The following NFYC variants were observed in gnomAD, a reference collection of about 807,000 sequenced individuals.
NFYC encodes nuclear transcription factor Y subunit gamma.
Under a neutral mutation model 53.1 loss-of-function variants are expected in NFYC, and 25 were observed. The observed-to-expected ratio is 0.47, with a 90% confidence interval of 0.34 to 0.66. The LOEUF (loss-of-function observed/expected upper bound fraction) is 0.66. NFYC is among the 30% of genes least tolerant of loss of function. The pLI, the probability that NFYC is intolerant of heterozygous loss-of-function variation, is 0.01. For synonymous variants in NFYC, 145 were observed against 152.6 expected (o/e 0.95, Z 0.37); for missense variants, 260 against 422.7 (o/e 0.62, Z 3.38).
intron 6 of NFYC, among the ~76,000 whole-genome samples, chr1:40,762,564 A>AT (rs1646603145): frequency 6.6e-6 from 1 of 151,940 alleles, no homozygotes; most frequent in Non-Finnish European, 1.5e-5. Flanking sequence ...GTTGCTTTTG[A>AT]TTTTTTCTGT....
At chr1:40,740,356 C>A (rs1254595189) in intron 2 of NFYC, among the ~76,000 whole-genome samples, 1 of 152,224 alleles carries the variant, frequency 6.6e-6, no homozygotes, top group Non-Finnish European at 1.5e-5. Context: ...CAGACAGGAT[C>A]ATTGCGCTCA....
At chr1:40,728,277 A>C (rs1454693079) in intron 1 of NFYC, among the ~76,000 whole-genome samples, 1 of 152,146 alleles carries the variant, frequency 6.6e-6, no homozygotes, top group Non-Finnish European at 1.5e-5. Context: ...GGGCTGCAGA[A>C]TGGATATTGT....
intron 5 of NFYC, 38 bp downstream of exon 5, chr1:40,753,284 G>A: frequency 6.9e-7 from 1 of 1,450,450 alleles, no homozygotes; most frequent in South Asian, 1.1e-5. Context: ...GCTGACTGAA[G>A]AGCGCTTTGT....
chr1:40,768,324 A>G (rs1007178981), intron 8 of NFYC, among the ~76,000 whole-genome samples: 7 of 152,244 alleles, frequency 4.6e-5, no homozygotes, highest in Non-Finnish European at 1.0e-4. Flanking sequence ...CTAACTTTGT[A>G]TGGGCTCCTG....
At chr1:40,732,748 A>G (rs1281888224) in intron 1 of NFYC, among the ~76,000 whole-genome samples, 1 of 152,208 alleles carries the variant, frequency 6.6e-6, no homozygotes, top group Non-Finnish European at 1.5e-5. Flanking sequence ...TGAGAATGGT[A>G]TGCATCCACA....
At chr1:40,698,790 A>G (rs1570287974) in intron 1 of NFYC, among the ~76,000 whole-genome samples, 1 of 152,310 alleles carries the variant, frequency 6.6e-6, no homozygotes, top group Non-Finnish European at 1.5e-5. Flanking sequence ...AAGATTCAAT[A>G]ATTGTCCTAT....
At chr1:40,722,115 G>A (rs1467281829) in intron 1 of NFYC, among the ~76,000 whole-genome samples, 1 of 152,112 alleles carries the variant, frequency 6.6e-6, no homozygotes, top group Non-Finnish European at 1.5e-5. Flanking sequence ...AGCTTGCAGT[G>A]AGCCAAGATC....
intron 1 of NFYC, among the ~76,000 whole-genome samples, chr1:40,696,985 T>C (rs1018197270): frequency 6.6e-6 from 1 of 152,246 alleles, no homozygotes; most frequent in Admixed American, 6.5e-5. Flanking sequence ...TTTAAAACTT[T>C]GGCCAAAAAG....
intron 1 of NFYC, among the ~76,000 whole-genome samples, chr1:40,701,378 G>A (rs1205210239): frequency 6.6e-6 from 1 of 152,190 alleles, no homozygotes; most frequent in Admixed American, 6.5e-5. Flanking sequence ...TGGGATTAAA[G>A]GCATGAGCCA....
At chr1:40,708,673 T>G (rs149292543) in intron 1 of NFYC, among the ~76,000 whole-genome samples, 55 of 152,368 alleles carry the variant, frequency 3.6e-4, no homozygotes, top group African/African-American at 1.3e-3. Flanking sequence ...TACCAGTCTG[T>G]GCCTTTAAAG....
At chr1:40,718,206 A>G (rs1351365443) in intron 1 of NFYC, among the ~76,000 whole-genome samples, 1 of 152,192 alleles carries the variant, frequency 6.6e-6, no homozygotes, top group Non-Finnish European at 1.5e-5. Flanking sequence ...ATAGTACTTT[A>G]TAGTTAGTGA....
At position 40,756,164 on chromosome 1, in the gene NFYC, A is replaced by G. The variant is rs144100537; in HGVS notation, c.388-1957A>G. Among the ~76,000 whole-genome samples, 757 of 152,336 alleles carry G rather than the reference A, an allele frequency of 5.0e-3. 5 individuals carry two copies. The highest frequency in any genetic ancestry group is 0.018 in the African/African-American group (733 of 41,588). ...AACACAAGTACCTTGAACCTACTTC[A>G]ATAGCTTTGCAAAGAGCAGTTGGCT... is the stretch of plus-strand genomic sequence containing the variant. On this transcript the variant is annotated intron_variant, in intron 5 of 9. Coordinates refer to ENST00000447388, the MANE Select transcript of NFYC (RefSeq NM_014223.5).
At chr1:40,704,220 C>T (rs991894128) in intron 1 of NFYC, among the ~76,000 whole-genome samples, 21 of 152,000 alleles carry the variant, frequency 1.4e-4, no homozygotes, top group Non-Finnish European at 1.2e-4. Context: ...TACAGGCGCC[C>T]GCCACCACGC....
chr1:40,701,823 A>C (rs1195777904), intron 1 of NFYC, among the ~76,000 whole-genome samples: 1 of 152,230 alleles, frequency 6.6e-6, no homozygotes, highest in Non-Finnish European at 1.5e-5. Context: ...CTAAGCCCTA[A>C]AACCTTGCAA....
chr1:40,712,169 T>G (rs1643948466), intron 1 of NFYC, among the ~76,000 whole-genome samples: 1 of 152,196 alleles, frequency 6.6e-6, no homozygotes, highest in South Asian at 2.1e-4. Context: ...ATTTTAATAT[T>G]TGTAAAAAGG....
intron 1 of NFYC, among the ~76,000 whole-genome samples, chr1:40,701,655 T>C (rs149132343): frequency 3.9e-4 from 59 of 152,366 alleles, no homozygotes; most frequent in African/African-American, 1.3e-3. Flanking sequence ...ACTCTTAATG[T>C]ACAGCATCAT....
At chr1:40,702,252 A>C (rs1249772159) in intron 1 of NFYC, among the ~76,000 whole-genome samples, 1 of 151,770 alleles carries the variant, frequency 6.6e-6, no homozygotes. Context: ...ATAACCATTT[A>C]CTGAGCACCA....
intron 5 of NFYC, among the ~76,000 whole-genome samples, chr1:40,754,050 A>T (rs1303176785): frequency 5.3e-5 from 8 of 152,084 alleles, no homozygotes; most frequent in Non-Finnish European, 8.8e-5. Context: ...ACTAGGTGCC[A>T]CTTGGGAAAT....
At chr1:40,768,653 G>C (rs1054736807) in intron 8 of NFYC, 12 of 152,286 alleles carry the variant, frequency 7.9e-5, no homozygotes, top group African/African-American at 2.7e-4. Flanking sequence ...CATTATATAT[G>C]CAGTTCTACA....
Sources: allele counts gnomAD v4.1 joint callset (sites outside exome capture counted in the v4.1 genomes callset), GRCh38; gene constraint gnomAD v4.1.1; transcripts MANE v1.5; gene names NCBI Gene and HGNC (gene_info 2026-07-23, HGNC 2026-07-21).